The following IFT25 variants were observed in gnomAD, a reference collection of about 807,000 sequenced individuals.
IFT25 encodes intraflagellar transport 25.
the IFT25 span, among the ~76,000 whole-genome samples, chr1:53,933,740 G>A: frequency 6.6e-6 from 1 of 152,122 alleles, no homozygotes; most frequent in African/African-American, 2.4e-5. Context: ...ATATGGTTGG[G>A]TATAAGTCTA....
the IFT25 span, among the ~76,000 whole-genome samples, chr1:53,934,337 T>G: frequency 6.6e-6 from 1 of 152,232 alleles, no homozygotes; most frequent in African/African-American, 2.4e-5. Flanking sequence ...ATTGCTCCAT[T>G]GTTGTCTGGC....
the IFT25 span, among the ~76,000 whole-genome samples, chr1:53,941,170 T>C: frequency 1.3e-5 from 2 of 152,084 alleles, no homozygotes; most frequent in African/African-American, 2.4e-5. Context: ...AATTTTTGTA[T>C]TTTTAGTAGA....
chr1:53,914,405 T>C, the IFT25 span, among the ~76,000 whole-genome samples: 1 of 152,076 alleles, frequency 6.6e-6, no homozygotes, highest in Non-Finnish European at 1.5e-5. Context: ...AGAAAGGGGA[T>C]GGAGTAAAAA....
chr1:53,928,434 G>C, the IFT25 span: 3 of 1,609,684 alleles, frequency 1.9e-6, no homozygotes, highest in Non-Finnish European at 2.6e-6. Context: ...AATCTTCAAG[G>C]TCTGTACTAA....
chr1:53,935,602 A>ACCC, the IFT25 span, among the ~76,000 whole-genome samples: 174 of 150,930 alleles, frequency 1.2e-3, no homozygotes, highest in African/African-American at 4.1e-3. Context: ...TAAAGTTGTT[A>ACCC]CCCACCCCCA....
At chr1:53,928,605 T>C in the IFT25 span, 3,510 of 558,444 alleles carry the variant, frequency 6.3e-3, 14 homozygotes, top group Middle Eastern at 0.02. Context: ...AAAAACCCTA[T>C]GGTAAAATAT....
chr1:53,918,480 C>G, the IFT25 span, among the ~76,000 whole-genome samples: 1 of 152,132 alleles, frequency 6.6e-6, no homozygotes, highest in Non-Finnish European at 1.5e-5. Context: ...GCCTCAGCCT[C>G]GAAGTCAATT....
chr1:53,932,244 G>C, the IFT25 span, among the ~76,000 whole-genome samples: 3 of 151,970 alleles, frequency 2.0e-5, no homozygotes, highest in Admixed American at 2.0e-4. Context: ...TCAGCTACTT[G>C]GGAGGCTGAG....
the IFT25 span, among the ~76,000 whole-genome samples, chr1:53,919,776 G>A: frequency 6.6e-6 from 1 of 150,794 alleles, no homozygotes; most frequent in African/African-American, 2.5e-5. Flanking sequence ...TTAATTTCAT[G>A]CAAATCAATA....
the IFT25 span, among the ~76,000 whole-genome samples, chr1:53,942,047 A>G: frequency 5.9e-5 from 9 of 152,206 alleles, no homozygotes; most frequent in African/African-American, 2.2e-4. Flanking sequence ...ATCCTACTCA[A>G]CATTTTTATT....
At chr1:53,934,138 A>G in the IFT25 span, among the ~76,000 whole-genome samples, 1 of 152,154 alleles carries the variant, frequency 6.6e-6, no homozygotes, top group African/African-American at 2.4e-5. Flanking sequence ...TTGATTTTCC[A>G]TCTAATATTA....
At chr1:53,918,345 C>T in the IFT25 span, among the ~76,000 whole-genome samples, 1 of 152,176 alleles carries the variant, frequency 6.6e-6, no homozygotes, top group African/African-American at 2.4e-5. Flanking sequence ...AGCCCTGCTA[C>T]CTGTTAAACA....
chr1:53,934,016 T>C, the IFT25 span, among the ~76,000 whole-genome samples: 1 of 152,332 alleles, frequency 6.6e-6, no homozygotes, highest in African/African-American at 2.4e-5. Context: ...ACAGTTTTTT[T>C]CATTAAGTGG....
the IFT25 span, chr1:53,939,808 A>C: frequency 1.1e-5 from 6 of 540,912 alleles, no homozygotes; most frequent in African/African-American, 1.0e-4. Context: ...AGGATCAAAA[A>C]CCTAAATATA....
the IFT25 span, among the ~76,000 whole-genome samples, chr1:53,942,951 C>G: frequency 2.6e-5 from 4 of 151,832 alleles, no homozygotes; most frequent in Non-Finnish European, 4.4e-5. Flanking sequence ...TGATATTGTT[C>G]GGAGGAGAGT....
chr1:53,923,118 T>C, the IFT25 span, among the ~76,000 whole-genome samples: 13 of 152,180 alleles, frequency 8.5e-5, no homozygotes, highest in African/African-American at 3.1e-4. Context: ...TCCCCAGTAC[T>C]TGGGTGAATT....
chr1:53,912,399 G>A, the IFT25 span, among the ~76,000 whole-genome samples: 1 of 152,188 alleles, frequency 6.6e-6, no homozygotes, highest in South Asian at 2.1e-4. Context: ...AGGAAGAGCT[G>A]TTGTCCTCCA....
chr1:53,919,399 G>C, the IFT25 span, among the ~76,000 whole-genome samples: 2 of 152,222 alleles, frequency 1.3e-5, no homozygotes, highest in African/African-American at 4.8e-5. Flanking sequence ...TGGAGGACAA[G>C]AAACAACTTG....
the IFT25 span, among the ~76,000 whole-genome samples, chr1:53,935,637 T>C: frequency 6.6e-6 from 1 of 151,926 alleles, no homozygotes; most frequent in East Asian, 1.9e-4. Flanking sequence ...CTACTTTTTT[T>C]TTTTTTTTAA....
Sources: allele counts gnomAD v4.1 joint callset (sites outside exome capture counted in the v4.1 genomes callset), GRCh38; gene constraint gnomAD v4.1.1; transcripts MANE v1.5; gene names NCBI Gene and HGNC (gene_info 2026-07-23, HGNC 2026-07-21).